The following PCDH7 variants were observed in gnomAD, a reference collection of about 807,000 sequenced individuals.
PCDH7 encodes protocadherin-7.
A neutral mutation model predicts 58.9 loss-of-function variants in PCDH7; 17 were observed. The ratio of observed to expected loss-of-function variants is 0.29; its 90% CI spans 0.20 to 0.43. The LOEUF is 0.43. PCDH7 is among the 20% of genes least tolerant of loss of function. PCDH7 has a pLI of 1.00. For missense variants in PCDH7, 1,274 were observed against 1,441.0 expected, an observed-to-expected ratio of 0.88 and a Z score of 1.88; for synonymous variants, 664 against 616.4, an observed-to-expected ratio of 1.08 and a Z score of -1.14.
chr4:31,142,999 T>G, downstream of PCDH7: 3 of 431,202 alleles, frequency 7.0e-6, no homozygotes, highest in Non-Finnish European at 1.2e-5. Context: ...ATCAGGCCTT[T>G]AGTGATACTG....
intron 1 of PCDH7, among the ~76,000 whole-genome samples, chr4:30,742,867 T>C (rs905503968): frequency 1.3e-5 from 2 of 152,312 alleles, no homozygotes; most frequent in Admixed American, 1.3e-4. Context: ...TAACTTACCA[T>C]ACAATATGCC....
intron 1 of PCDH7, among the ~76,000 whole-genome samples, chr4:30,914,780 T>A (rs560703706): frequency 9.8e-5 from 15 of 152,304 alleles, no homozygotes; most frequent in African/African-American, 3.6e-4. Flanking sequence ...TGAGAGAATG[T>A]AAGTTAGCAA....
chr4:31,143,555 C>T (rs141195152), downstream of PCDH7: 821 of 152,222 alleles, frequency 5.4e-3, 7 homozygotes, highest in African/African-American at 0.019. Context: ...CATACATTCA[C>T]CAAATATTCT....
chr4:30,903,098 G>C (rs1305624258), intron 1 of PCDH7, among the ~76,000 whole-genome samples: 1 of 151,968 alleles, frequency 6.6e-6, no homozygotes, highest in Non-Finnish European at 1.5e-5. Flanking sequence ...CTGTGACCCT[G>C]GGTTATGGCC....
chr4:30,829,262 T>C lies in PCDH7; in HGVS notation c.71-90891T>C, dbSNP rs80043739. 5.9e-3 allele frequency among the ~76,000 whole-genome samples: 904 copies of C among 152,186 alleles called. 17 individuals are homozygous for C. Among genetic ancestry groups the C allele is most frequent in the African/African-American group, 0.021 (871 of 41,554 alleles). On this transcript the variant is annotated intron_variant, in intron 1 of 3. Transcript: ENST00000509759. ...GAATGAAATGGTTCTAGATGTATAA[T>C]TGAATACTTCATTCCACAAGCATTA...
At chr4:30,767,523 C>T (rs1331008777) in intron 1 of PCDH7, among the ~76,000 whole-genome samples, 1 of 152,090 alleles carries the variant, frequency 6.6e-6, no homozygotes, top group Non-Finnish European at 1.5e-5. Context: ...GTTTTGCTAG[C>T]AGAAGTTCAA....
intron 3 of PCDH7, among the ~76,000 whole-genome samples, chr4:31,134,576 T>C (rs1719371078): frequency 6.6e-6 from 1 of 152,238 alleles, no homozygotes; most frequent in African/African-American, 2.4e-5. Context: ...GATCATTATT[T>C]CAGGGGCCTA....
At chr4:30,838,070 G>A (rs1009443863) in intron 1 of PCDH7, among the ~76,000 whole-genome samples, 3 of 151,622 alleles carry the variant, frequency 2.0e-5, no homozygotes, top group African/African-American at 4.8e-5. Context: ...AGAGATAATC[G>A]ACTTCAGTTG....
At chr4:31,019,674 C>A (rs974849427) in intron 3 of PCDH7, among the ~76,000 whole-genome samples, 2 of 149,096 alleles carry the variant, frequency 1.3e-5, no homozygotes, top group Non-Finnish European at 3.0e-5. Context: ...GGGGACAGAG[C>A]GAGACTCTGT....
chr4:31,094,056 A>G (rs2221128), intron 3 of PCDH7, among the ~76,000 whole-genome samples: 20,752 of 152,068 alleles, frequency 0.14, 1,633 homozygotes, highest in South Asian at 0.2. Context: ...CCATCTGTAC[A>G]ATTTCCACAT....
At chr4:31,035,414 C>T (rs1272770399) in intron 3 of PCDH7, among the ~76,000 whole-genome samples, 3 of 151,866 alleles carry the variant, frequency 2.0e-5, no homozygotes, top group African/African-American at 7.3e-5. Flanking sequence ...CCACCACGCC[C>T]GGCTAATTTT....
chr4:30,770,978 G>A (rs2109278340), intron 1 of PCDH7, among the ~76,000 whole-genome samples: 1 of 152,210 alleles, frequency 6.6e-6, no homozygotes, highest in Non-Finnish European at 1.5e-5. Context: ...GTTTATGTTT[G>A]AGCTGTGACA....
chr4:30,889,238 T>A (rs1738281444), intron 1 of PCDH7, among the ~76,000 whole-genome samples: 1 of 151,740 alleles, frequency 6.6e-6, no homozygotes, highest in Admixed American at 6.6e-5. Context: ...GGAAACACTT[T>A]AATTAAGCAT....
intron 1 of PCDH7, among the ~76,000 whole-genome samples, chr4:30,893,727 A>G (rs1361150790): frequency 6.6e-6 from 1 of 152,078 alleles, no homozygotes; most frequent in African/African-American, 2.4e-5. Context: ...ACCAGGAGTG[A>G]CTTTTACTTG....
intron 3 of PCDH7, among the ~76,000 whole-genome samples, chr4:31,134,015 A>T (rs1461721036): frequency 6.6e-6 from 1 of 152,196 alleles, no homozygotes; most frequent in Non-Finnish European, 1.5e-5. Context: ...GAAATCCTGT[A>T]ATTAAAGGAC....
chr4:31,091,536 A>G, intron 3 of PCDH7, among the ~76,000 whole-genome samples: 1 of 151,990 alleles, frequency 6.6e-6, no homozygotes, highest in Non-Finnish European at 1.5e-5. Flanking sequence ...CTGGATTTAC[A>G]GTGATTTTTC....
intron 1 of PCDH7, among the ~76,000 whole-genome samples, chr4:30,809,750 A>G (rs1327629861): frequency 2.0e-5 from 3 of 152,142 alleles, no homozygotes; most frequent in Non-Finnish European, 4.4e-5. Context: ...TACAAGGGAC[A>G]CAGATTTTTC....
chr4:30,725,354 A>G, intron 1 of PCDH7: 6 of 898,458 alleles, frequency 6.7e-6, no homozygotes, highest in Non-Finnish European at 8.0e-6. Flanking sequence ...CCAAGTAATG[A>G]AAATATTCAT....
intron 3 of PCDH7, among the ~76,000 whole-genome samples, chr4:31,086,058 G>T (rs2109277188): frequency 6.6e-6 from 1 of 152,216 alleles, no homozygotes; most frequent in Non-Finnish European, 1.5e-5. Context: ...TGAGGGCTTT[G>T]AATCAGTTAA....
Sources: allele counts gnomAD v4.1 joint callset (sites outside exome capture counted in the v4.1 genomes callset), GRCh38; gene constraint gnomAD v4.1.1; transcripts MANE v1.5; gene names NCBI Gene and HGNC (gene_info 2026-07-23, HGNC 2026-07-21).